SMAD3: variants seen among roughly 807,000 people sequenced by gnomAD.
The protein encoded by SMAD3 is SMAD family member 3, also known as MAD homolog 3.
A neutral mutation model predicts 51.8 loss-of-function variants in SMAD3; 12 were observed. The observed-to-expected ratio is 0.23, with a 90% CI of 0.15 to 0.38. The LOEUF is 0.38. SMAD3 is among the 10% of genes least tolerant of loss of function. SMAD3 has a pLI of 1.00. For missense variants in SMAD3, 294 were observed against 565.6 expected (o/e 0.52, Z 4.87); for synonymous variants, 238 against 227.7 (o/e 1.05, Z -0.41).
intron 1 of SMAD3, among the ~76,000 whole-genome samples, chr15:67,159,174 A>G (rs961991801): frequency 1.3e-5 from 2 of 152,000 alleles, no homozygotes; most frequent in African/African-American, 4.8e-5. Flanking sequence ...GGGTTCAAGC[A>G]ATCCTCCCAT....
intron 5 of SMAD3, among the ~76,000 whole-genome samples, chr15:67,176,035 G>T: frequency 6.6e-6 from 1 of 152,220 alleles, no homozygotes; most frequent in Non-Finnish European, 1.5e-5. Flanking sequence ...GTTCCTGGTT[G>T]CAGTATGCTG....
intron 1 of SMAD3, among the ~76,000 whole-genome samples, chr15:67,127,301 C>G (rs1961413449): frequency 6.6e-6 from 1 of 152,202 alleles, no homozygotes; most frequent in Non-Finnish European, 1.5e-5. Context: ...GCAGTGCCTC[C>G]CCCTGTAAAA....
At chr15:67,152,373 C>CT (rs1962170198) in intron 1 of SMAD3, among the ~76,000 whole-genome samples, 2 of 152,080 alleles carry the variant, frequency 1.3e-5, no homozygotes, top group Non-Finnish European at 1.5e-5. Context: ...AGAGAAGACT[C>CT]TAAGTGTTGG....
chr15:67,163,451 T>C (rs1962484280), intron 1 of SMAD3, among the ~76,000 whole-genome samples: 1 of 152,170 alleles, frequency 6.6e-6, no homozygotes, highest in African/African-American at 2.4e-5. Context: ...TACCAGACAC[T>C]ATCTGAAGTT....
rs955884600 is a variant in SMAD3 at position 67,194,987 on chromosome 15, T to C, written c.*4451T>C. The stretch of plus-strand genomic sequence containing the variant: ...GATTACCTTCACTATTCGGCCAGCC[T>C]GACCTTTTAATAACTTTGTAAAAAG... On this transcript the variant is annotated 3_prime_UTR_variant, in exon 9 of 9. Transcript: ENST00000327367. The C allele has an allele frequency of 4.3e-6, 1 of 233,764 alleles. No homozygotes were observed. Among genetic ancestry groups the C allele is most frequent in the Non-Finnish European group, 8.5e-6 (1 of 117,938 alleles). The allele number at this position is 233,764 out of a possible 1,614,324, so 14.5% of individuals were successfully genotyped here.
At chr15:67,095,214 G>A (rs1450850868) in intron 1 of SMAD3, among the ~76,000 whole-genome samples, 1 of 152,146 alleles carries the variant, frequency 6.6e-6, no homozygotes, top group Non-Finnish European at 1.5e-5. Flanking sequence ...GCCTTAGAAA[G>A]GTTAAAGAAG....
chr15:67,125,037 C>T (rs545354941), intron 1 of SMAD3, among the ~76,000 whole-genome samples: 287 of 152,348 alleles, frequency 1.9e-3, no homozygotes, highest in Non-Finnish European at 2.8e-3. Context: ...GCACCCCACC[C>T]GACCAGCCAA....
At chr15:67,165,443 A>G (rs1962557646) in intron 3 of SMAD3, 59 bp downstream of exon 3, 1 of 1,597,550 alleles carries the variant, frequency 6.3e-7, no homozygotes, top group South Asian at 1.1e-5. Flanking sequence ...CAGCCCCGAC[A>G]TCAGTCCTGT....
chr15:67,184,411 T>C (rs528428807), intron 6 of SMAD3, among the ~76,000 whole-genome samples: 7 of 152,064 alleles, frequency 4.6e-5, no homozygotes, highest in Non-Finnish European at 8.8e-5. Flanking sequence ...CTGGCCCCCA[T>C]CCCTATCGTA....
At chr15:67,073,609 G>T (rs968325610) in intron 1 of SMAD3, among the ~76,000 whole-genome samples, 2 of 152,206 alleles carry the variant, frequency 1.3e-5, no homozygotes, top group Non-Finnish European at 2.9e-5. Flanking sequence ...TGGAAAATAG[G>T]CTAGATAAAC....
intron 1 of SMAD3, among the ~76,000 whole-genome samples, chr15:67,091,382 G>A (rs554407619): frequency 2.6e-5 from 4 of 152,306 alleles, no homozygotes; most frequent in South Asian, 2.1e-4. Flanking sequence ...CTGCCCTTCC[G>A]CAGTGGCTAA....
chr15:67,187,493 T>G lies in SMAD3; in HGVS notation c.1138T>G (p.Trp380Gly), dbSNP rs1963252441. ...CATCCGCATGAGCTTCGTCAAAGGC[T>G]GGGGAGCGGAGTACAGGTCAGTTAT... Reference protein sequence around the residue: ...CTIRMSFVKGWGAEYRRQTVT... With the variant: ...CTIRMSFVKGGGAEYRRQTVT... The change falls in exon 8 of 9, where the codon TGG becomes GGG. Residue 380 changes from tryptophan to glycine, a missense_variant. Physicochemically the swap from Trp to Gly is radical, Grantham distance 184. Coordinates refer to ENST00000327367, the MANE Select transcript of SMAD3 (RefSeq NM_005902.4). The G allele has an allele frequency of 6.2e-7, 1 of 1,614,108 alleles. No homozygotes were observed. The highest frequency in any genetic ancestry group is 8.5e-7 in the Non-Finnish European group (1 of 1,180,016).
At chr15:67,189,566 A>G (rs377234662) in intron 8 of SMAD3, among the ~76,000 whole-genome samples, 82 of 152,334 alleles carry the variant, frequency 5.4e-4, no homozygotes, top group African/African-American at 1.9e-3. Flanking sequence ...GCCCCTTCCC[A>G]GAACAGCCTT....
At chr15:67,116,184 A>G (rs1285779857) in intron 1 of SMAD3, among the ~76,000 whole-genome samples, 1 of 152,226 alleles carries the variant, frequency 6.6e-6, no homozygotes, top group East Asian at 1.9e-4. Context: ...AGTGGTTGAC[A>G]CTGTCTGAGA....
chr15:67,160,538 C>T lies in SMAD3; in HGVS notation c.207-4357C>T, dbSNP rs139090158. 2.4e-4 allele frequency among the ~76,000 whole-genome samples: 36 copies of T among 152,086 alleles called. No individual in the cohort carries two copies. In the East Asian group the frequency reaches 6.4e-3, roughly 27 times the overall value. ...CTGTAATCCCAGTACTTTGGGAGGC[C>T]GAGGCAGGCGGATCACGAGGTCAGG... is the stretch of plus-strand genomic sequence containing the variant. On this transcript the variant is annotated intron_variant, in intron 1 of 8. Transcript: ENST00000327367.
In SMAD3 at chr15:67,181,478, C is replaced by A. The variant is rs775394029; in HGVS notation, c.871+25C>A. The A allele has an allele frequency of 9.3e-4, 1,399 of 1,498,080 alleles. 11 individuals carry two copies. Among genetic ancestry groups the A allele is most frequent in the East Asian group, 3.1e-3 (126 of 40,358 alleles). The allele number at this position is 1,498,080 out of a possible 1,614,324, so 92.8% of individuals were successfully genotyped here. A position where few individuals can be genotyped will look rare whatever the true frequency, so the allele number is the denominator to read the frequency against. On this transcript the variant is annotated intron_variant, in intron 6 of 8. Transcript: ENST00000327367. The stretch of plus-strand genomic sequence containing the variant: ...GGTATGGGGTGGCTCCATTCCCCGC[C>A]CCCCCACCCTGCCCCTGCCACTCTA...
intron 1 of SMAD3, among the ~76,000 whole-genome samples, chr15:67,159,636 G>T (rs1050651711): frequency 2.0e-5 from 3 of 152,036 alleles, no homozygotes; most frequent in Non-Finnish European, 4.4e-5. Flanking sequence ...GTTTCCAAGT[G>T]CACCTTGGTA....
chr15:67,179,788 G>C (rs1164158179), intron 5 of SMAD3, among the ~76,000 whole-genome samples: 1 of 152,098 alleles, frequency 6.6e-6, no homozygotes, highest in Non-Finnish European at 1.5e-5. Flanking sequence ...CATCCAGTGA[G>C]CAGGGTTCTC....
At chr15:67,084,070 CTTTTTTTTTTTTTTTTT>C (rs56675753) in intron 1 of SMAD3, among the ~76,000 whole-genome samples, 1 of 85,070 alleles carries the variant, frequency 1.2e-5, no homozygotes, top group Non-Finnish European at 2.2e-5. Flanking sequence ...CTTTTTTTTT[CTTTTTTTTTTTTTTTTT>C]TTTTTTGAGA....
Sources: allele counts gnomAD v4.1 joint callset (sites outside exome capture counted in the v4.1 genomes callset), GRCh38; gene constraint gnomAD v4.1.1; transcripts MANE v1.5; gene names NCBI Gene and HGNC (gene_info 2026-07-23, HGNC 2026-07-21).